SGCD: variants seen among roughly 807,000 people sequenced by gnomAD.
The protein encoded by SGCD is delta-sarcoglycan.
A neutral mutation model predicts 36.6 loss-of-function variants in SGCD; 18 were observed. The ratio of observed to expected loss-of-function variants is 0.49; its 90% CI spans 0.34 to 0.73. The LOEUF (loss-of-function observed/expected upper bound fraction) is 0.73. SGCD is among the 30% of genes least tolerant of loss of function. SGCD has a pLI of 0.01. For missense variants in SGCD, 387 were observed against 346.7 expected, an observed-to-expected ratio of 1.12 and a Z score of -0.92; for synonymous variants, 133 against 130.6, an observed-to-expected ratio of 1.02 and a Z score of -0.12.
intron 3 of SGCD, among the ~76,000 whole-genome samples, chr5:156,469,705 C>T (rs1160109672): frequency 6.6e-6 from 1 of 152,166 alleles, no homozygotes; most frequent in South Asian, 2.1e-4. Flanking sequence ...AACACACTGT[C>T]ATTGCTAGTT....
intron 4 of SGCD, among the ~76,000 whole-genome samples, chr5:156,521,728 T>C (rs1038999401): frequency 2.6e-5 from 4 of 152,154 alleles, no homozygotes; most frequent in African/African-American, 7.2e-5. Flanking sequence ...GAAATAGGAA[T>C]GCTTTTACAC....
chr5:156,006,044 C>G (rs1365892211), intron 1 of SGCD, among the ~76,000 whole-genome samples: 1 of 152,132 alleles, frequency 6.6e-6, no homozygotes, highest in African/African-American at 2.4e-5. Context: ...TGATACATAC[C>G]TCAGGTGAGT....
chr5:155,763,627 AGT>A, the SGCD span, among the ~76,000 whole-genome samples: 1 of 152,180 alleles, frequency 6.6e-6, no homozygotes, highest in East Asian at 1.9e-4. Flanking sequence ...CATCAAAGAG[AGT>A]GTGGCTGCAT....
intron 4 of SGCD, among the ~76,000 whole-genome samples, chr5:156,524,106 ATATATATATATATATATATATAT>A (rs1757536227): frequency 5.9e-5 from 1 of 16,828 alleles, no homozygotes; most frequent in South Asian, 2.0e-3. Context: ...ATATATATAT[ATATATATATATATATATATATAT>A]ATATATATAT....
intron 7 of SGCD, among the ~76,000 whole-genome samples, chr5:156,649,539 T>G (rs1489661896): frequency 1.3e-5 from 2 of 152,182 alleles, no homozygotes; most frequent in African/African-American, 2.4e-5. Context: ...CCATAAAAAA[T>G]GATGAGTTCA....
At chr5:156,613,853 G>A (rs1761923311) in intron 6 of SGCD, among the ~76,000 whole-genome samples, 1 of 152,214 alleles carries the variant, frequency 6.6e-6, no homozygotes, top group Admixed American at 6.5e-5. Context: ...CATATGTTGA[G>A]TGCTTACTCT....
chr5:155,988,517 T>C (rs905312299), intron 1 of SGCD, among the ~76,000 whole-genome samples: 1 of 152,158 alleles, frequency 6.6e-6, no homozygotes, highest in Admixed American at 6.5e-5. Flanking sequence ...GACAGACAGA[T>C]AGACAACTAA....
At chr5:155,901,316 GAA>G (rs11396332) in intron 1 of SGCD, among the ~76,000 whole-genome samples, 9 of 138,154 alleles carry the variant, frequency 6.5e-5, no homozygotes, top group African/African-American at 2.4e-4. Context: ...CCATCTCAGA[GAA>G]AAAAAAAAAA....
chr5:155,757,964 C>T, the SGCD span, among the ~76,000 whole-genome samples: 24 of 152,184 alleles, frequency 1.6e-4, no homozygotes, highest in African/African-American at 3.1e-4. Flanking sequence ...TGCCACCATC[C>T]GTGTAATAGG....
At chr5:156,086,692 C>T (rs1224358221) in intron 1 of SGCD, among the ~76,000 whole-genome samples, 6 of 152,040 alleles carry the variant, frequency 3.9e-5, no homozygotes. Context: ...CCTGGAACTT[C>T]TAAGTAAGCA....
chr5:156,127,808 T>C (rs1762212513), intron 3 of SGCD, among the ~76,000 whole-genome samples: 1 of 102,040 alleles, frequency 9.8e-6, no homozygotes, highest in Admixed American at 1.4e-4. Flanking sequence ...CCTTATACCA[T>C]ACACAAAAAT....
intron 6 of SGCD, among the ~76,000 whole-genome samples, chr5:156,605,965 A>G (rs570975161): frequency 6.6e-6 from 1 of 152,078 alleles, no homozygotes; most frequent in East Asian, 1.9e-4. Context: ...AGATGAGTAG[A>G]TTGCAAATAT....
At chr5:155,834,783 G>T in the SGCD span, among the ~76,000 whole-genome samples, 1 of 151,522 alleles carries the variant, frequency 6.6e-6, no homozygotes, top group Non-Finnish European at 1.5e-5. Context: ...TAAGTGCACT[G>T]TAGCAAAGAG....
chr5:156,642,535 TCTCGACTCCCTGCAATTCCAA>T (rs1179830971), intron 6 of SGCD, among the ~76,000 whole-genome samples: 1 of 145,196 alleles, frequency 6.9e-6, no homozygotes, highest in East Asian at 2.0e-4. Context: ...AGTGATGGGA[TCTCGACTCCCTGCAATTCCAA>T]CTCCCGGGTT....
the SGCD span, among the ~76,000 whole-genome samples, chr5:155,795,794 A>G: frequency 1.3e-5 from 2 of 152,296 alleles, no homozygotes; most frequent in African/African-American, 2.4e-5. Context: ...TTAAAGGAGA[A>G]CAGTGAAAGT....
At chr5:156,181,909 G>A (rs1024712270) in intron 3 of SGCD, among the ~76,000 whole-genome samples, 5 of 152,322 alleles carry the variant, frequency 3.3e-5, no homozygotes, top group Admixed American at 6.5e-5. Context: ...GAGGATCTGT[G>A]ACTGAGCATG....
At chr5:156,692,992 C>T (rs1180132966) in intron 7 of SGCD, among the ~76,000 whole-genome samples, 1 of 152,178 alleles carries the variant, frequency 6.6e-6, no homozygotes, top group African/African-American at 2.4e-5. Context: ...CCTCAGAGCC[C>T]TGTAAGACAC....
intron 3 of SGCD, among the ~76,000 whole-genome samples, chr5:156,439,128 C>T (rs1411594042): frequency 6.6e-6 from 1 of 152,156 alleles, no homozygotes; most frequent in Non-Finnish European, 1.5e-5. Flanking sequence ...AGACGTGAGA[C>T]TGCTCCAGGC....
chr5:156,249,670 C>G (rs1306052187), intron 3 of SGCD, among the ~76,000 whole-genome samples: 2 of 149,556 alleles, frequency 1.3e-5, no homozygotes, highest in African/African-American at 4.9e-5. Context: ...CCCAGTTATG[C>G]AACTGCAAAG....
Sources: gnomAD v4.1 joint callset for allele counts (sites outside exome capture counted in the v4.1 genomes callset) on GRCh38, gnomAD v4.1.1 for gene constraint, MANE v1.5 for transcripts, NCBI Gene and HGNC (gene_info 2026-07-23, HGNC 2026-07-21) for gene names.